The following LAP3 variants were observed in gnomAD, a reference collection of about 807,000 sequenced individuals.
LAP3 encodes cytosol aminopeptidase.
A neutral mutation model predicts 58.8 loss-of-function variants in LAP3; 46 were observed. The observed-to-expected ratio is 0.78, with a 90% confidence interval of 0.62 to 1.00. The LOEUF is 1.00. LAP3 is among the 50% of genes least tolerant of loss of function. LAP3 has a pLI of 0.00. For synonymous variants in LAP3, 257 were observed against 237.7 expected (o/e 1.08, Z -0.75); for missense variants, 615 against 659.1 (o/e 0.93, Z 0.73).
intron 1 of LAP3, among the ~76,000 whole-genome samples, chr4:17,578,646 G>A (rs1325816243): frequency 2.0e-5 from 3 of 152,172 alleles, no homozygotes; most frequent in Non-Finnish European, 2.9e-5. Flanking sequence ...GTTGCCATGA[G>A]GCAGACAAAA....
Position 17,607,578 on chromosome 4 carries a change from G to A in LAP3, c.1549G>A (p.Asp517Asn), listed in dbSNP as rs759121713. ...LIEFLLRFSQ[D>N]NA ...TGAGTTCTTACTTCGTTTCAGTCAA[G>A]ACAATGCTTAGTTCAGATACTCAAA... Residue 517 changes from aspartate to asparagine, a missense_variant, in exon 13 of 13, where the codon GAC becomes AAC. Asp to Asn is a conservative substitution (Grantham distance 23, BLOSUM62 1). Transcript: ENST00000226299. 9.3e-6 allele frequency: 15 copies of A among 1,611,976 alleles called. No individual in the cohort carries two copies. The South Asian group carries it at 1.7e-4, about 18-fold the overall frequency.
At position 17,597,149 on chromosome 4, in the gene LAP3, G is replaced by A. The variant is rs1713851103; in HGVS notation, c.1077+15G>A. On this transcript the variant is annotated intron_variant, in intron 9 of 12. Coordinates refer to ENST00000226299, the MANE Select transcript of LAP3 (RefSeq NM_015907.3). Reference sequence around the variant, plus strand: ...AGACCATCCAGGTTTGTAAATGTGAGACACAGCACTCCCCATCCAGCGTTC... The same window carrying A: ...AGACCATCCAGGTTTGTAAATGTGAAACACAGCACTCCCCATCCAGCGTTC... The A allele has an allele frequency of 6.2e-7, 1 of 1,602,504 alleles. No homozygotes were observed. The highest frequency in any genetic ancestry group is 8.5e-7 in the Non-Finnish European group (1 of 1,169,720).
intron 7 of LAP3, among the ~76,000 whole-genome samples, chr4:17,593,957 T>C (rs1713768236): frequency 6.6e-6 from 1 of 152,130 alleles, no homozygotes; most frequent in Middle Eastern, 3.4e-3. Flanking sequence ...GAGATTTTGA[T>C]TGAGATAGAT....
At chr4:17,604,387 T>G (rs1714064507) in intron 10 of LAP3, among the ~76,000 whole-genome samples, 1 of 152,160 alleles carries the variant, frequency 6.6e-6, no homozygotes, top group South Asian at 2.1e-4. Flanking sequence ...TTTTTTGCAT[T>G]TCCTAATAAT....
chr4:17,589,063 A>G, intron 7 of LAP3, 86 bp downstream of exon 7: 1 of 1,079,530 alleles, frequency 9.3e-7, no homozygotes, highest in Non-Finnish European at 1.3e-6. Context: ...TTTTGGTTTG[A>G]TTTTTTTTTT....
chr4:17,607,325 T>C (rs879795965), intron 12 of LAP3, 75 bp from the exon 13 acceptor site: 3 of 1,309,262 alleles, frequency 2.3e-6, no homozygotes, highest in African/African-American at 1.5e-5. Flanking sequence ...GGTTATAGAA[T>C]GTACTTAGCA....
chr4:17,598,306 T>A (rs1560347469), intron 9 of LAP3, 150 bp from the exon 10 acceptor site: 2 of 692,086 alleles, frequency 2.9e-6, no homozygotes, highest in Non-Finnish European at 5.3e-6. Flanking sequence ...AGATTAGATA[T>A]GTTCCTATTC....
Position 17,580,897 on chromosome 4 carries a change from G to A in LAP3, c.219-863G>A, listed in dbSNP as rs186659685. Among the ~76,000 whole-genome samples the A allele has an allele frequency of 2.5e-4, 38 of 152,302 alleles. No homozygotes were observed. The East Asian group carries it at 5.4e-3, about 22-fold the overall frequency. ...TATTCGGATTATAGATAGCCTATTG[G>A]AACCTAATAGATGCAGTCTAATAAT... On this transcript the variant is annotated intron_variant, in intron 2 of 12. Coordinates refer to ENST00000226299, the MANE Select transcript of LAP3 (RefSeq NM_015907.3).
At chr4:17,581,961 C>A (rs1308207232) in intron 3 of LAP3, 147 bp downstream of exon 3, 2 of 701,230 alleles carry the variant, frequency 2.9e-6, no homozygotes, top group South Asian at 1.9e-5. Context: ...GATTAAGAGG[C>A]GATTTGCTGT....
chr4:17,587,193 A>G (rs116576293), intron 6 of LAP3, among the ~76,000 whole-genome samples: 147 of 152,324 alleles, frequency 9.7e-4, no homozygotes, highest in Non-Finnish European at 1.2e-3. Flanking sequence ...CAGGTGAGGA[A>G]GCTGCAAAAC....
intron 11 of LAP3, 108 bp from the exon 12 acceptor site, chr4:17,606,721 G>A: frequency 1.6e-6 from 1 of 631,222 alleles, no homozygotes; most frequent in Non-Finnish European, 2.8e-6. Context: ...TCATGTTTTA[G>A]AGTAACAGGT....
Position 17,585,107 on chromosome 4 carries a change from T to C in LAP3, c.675T>C (p.Ser225=), listed in dbSNP as rs1713470451. The change falls in exon 6 of 13, where the codon AGT becomes AGC. Residue 225 remains serine, a synonymous_variant. Coordinates refer to ENST00000226299, the MANE Select transcript of LAP3 (RefSeq NM_015907.3). ...FAEIIEKNLK[S]ASSKTEVHIR... is the part of the protein sequence containing the mutation. ...AAATTATTGAGAAGAATCTCAAAAG[T>C]GCTAGTAGTAAAACCGAGGTCCATA... 1 of 1,613,734 alleles carries C rather than the reference T, an allele frequency of 6.2e-7. No homozygotes were observed. The highest frequency in any genetic ancestry group is 8.5e-7 in the Non-Finnish European group (1 of 1,179,810).
chr4:17,606,779 T>A (rs779426833), intron 11 of LAP3, 50 bp from the exon 12 acceptor site: 1 of 1,249,558 alleles, frequency 8.0e-7, no homozygotes, highest in South Asian at 1.3e-5. Flanking sequence ...GCCATGAATT[T>A]CCCACAACCT....
At chr4:17,580,058 C>A in intron 2 of LAP3, 119 bp downstream of exon 2, 1 of 567,902 alleles carries the variant, frequency 1.8e-6, no homozygotes, top group Non-Finnish European at 3.0e-6. Context: ...AGTGCAGTGG[C>A]ACGATCTTGA....
rs1713239024 is a variant in LAP3 at position 17,577,518 on chromosome 4, C to T, written c.53C>T (p.Ala18Val). 1.9e-6 allele frequency: 3 copies of T among 1,586,410 alleles called. No homozygotes were observed. The highest frequency in any genetic ancestry group is 2.6e-6 in the Non-Finnish European group (3 of 1,168,074). ...GGGCGAGTAGTCGTCCGACGTCTGGCCGTGAGACGTTTCGGGAGCCGGAGT... is the reference window on the plus strand; with the variant it reads ...GGGCGAGTAGTCGTCCGACGTCTGGTCGTGAGACGTTTCGGGAGCCGGAGT... ...AAGRVVVRRL[A>V]VRRFGSRSLS... The change falls in exon 1 of 13, where the codon GCC (alanine) becomes GTC (valine). Residue 18 changes from alanine to valine, a missense_variant. Physicochemically the swap from Ala to Val is moderately conservative, Grantham distance 64. Coordinates refer to ENST00000226299, the MANE Select transcript of LAP3 (RefSeq NM_015907.3).
intron 10 of LAP3, among the ~76,000 whole-genome samples, chr4:17,598,828 C>T (rs961764816): frequency 6.6e-6 from 1 of 152,128 alleles, no homozygotes; most frequent in South Asian, 2.1e-4. Flanking sequence ...TCTTGGCCTC[C>T]TGAGTTCAAG....
chr4:17,607,550 C>T lies in LAP3; in HGVS notation c.1521C>T (p.Leu507=). ...TGACTGGGAGGCCCACAAGGACTCT[C>T]ATTGAGTTCTTACTTCGTTTCAGTC... ...KGMTGRPTRT[L]IEFLLRFSQD... is the part of the protein sequence containing the mutation. The change falls in exon 13 of 13, where the codon CTC becomes CTT. Residue 507 remains leucine (L), a synonymous_variant. Transcript: ENST00000226299. 1 of 1,613,658 alleles carries T rather than the reference C, an allele frequency of 6.2e-7. No individual in the cohort carries two copies. Among genetic ancestry groups the T allele is most frequent in the Non-Finnish European group, 8.5e-7 (1 of 1,179,902 alleles).
chr4:17,585,225 G>A (rs1341834344), intron 6 of LAP3, 89 bp downstream of exon 6: 3 of 1,105,430 alleles, frequency 2.7e-6, no homozygotes, highest in South Asian at 2.8e-5. Flanking sequence ...CTTTTTAGAG[G>A]AATAACTTGA....
intron 7 of LAP3, among the ~76,000 whole-genome samples, chr4:17,590,574 A>T (rs1713659564): frequency 6.6e-6 from 1 of 151,980 alleles, no homozygotes. Context: ...CTATTATTTT[A>T]TTTATTTATT....
Sources: allele counts gnomAD v4.1 joint callset (sites outside exome capture counted in the v4.1 genomes callset), GRCh38; gene constraint gnomAD v4.1.1; transcripts MANE v1.5; gene names NCBI Gene and HGNC (gene_info 2026-07-23, HGNC 2026-07-21).